Variants in PLK5 observed in about 807,000 individuals in gnomAD.
The protein encoded by PLK5 is polo like kinase 5 (inactive), also known as inactive serine/threonine-protein kinase PLK5.
Under a neutral mutation model 33.7 loss-of-function variants are expected in PLK5, and 28 were observed. The ratio of observed to expected loss-of-function variants is 0.83; its 90% CI spans 0.62 to 1.14. The LOEUF (loss-of-function observed/expected upper bound fraction) is 1.14. Ranked by LOEUF, PLK5 falls within the 50% of genes most tolerant of loss-of-function variation. PLK5 has a pLI of 0.00. For missense variants in PLK5, 492 were observed against 461.5 expected (o/e 1.07, Z -0.61); for synonymous variants, 225 against 202.2 (o/e 1.11, Z -0.96).
At chr19:1,529,056 G>T in intron 9 of PLK5, 82 bp downstream of exon 9, 1 of 1,274,766 alleles carries the variant, frequency 7.8e-7, no homozygotes, top group Non-Finnish European at 1.0e-6. Flanking sequence ...CCCCATGCCG[G>T]CTTCTCTGAA....
chr19:1,535,128 A>T lies in PLK5; in HGVS notation c.889A>T (p.Thr297Ser). The stretch of plus-strand genomic sequence containing the variant: ...TGGCGAGGGTGAGGGTTTGCAGCTC[A>T]CCCTCTGGGAGCAGGGGTCCCCTGG... ...LSGEGEGLQL[T>S]LWEQGSPGTS... The change falls in exon 14 of 14, where the codon ACC becomes TCC. Residue 297 changes from threonine (T) to serine (S), a missense_variant. Coordinates refer to ENST00000454744, the MANE Select transcript of PLK5 (RefSeq NM_001243079.2). 2 of 1,535,520 alleles carry T rather than the reference A, an allele frequency of 1.3e-6. No homozygotes were observed. Among genetic ancestry groups the T allele is most frequent in the Non-Finnish European group, 1.7e-6 (2 of 1,146,600 alleles).
chr19:1,533,400 T>C (rs1472749874), intron 12 of PLK5, among the ~76,000 whole-genome samples: 1 of 152,104 alleles, frequency 6.6e-6, no homozygotes, highest in Non-Finnish European at 1.5e-5. Flanking sequence ...CTTAACACAA[T>C]CTTTCTAGCG....
chr19:1,535,243 GTATC>G lies in PLK5; in HGVS notation c.1007_1010del (p.Ile336SerfsTer63), dbSNP rs1914064366. The G allele has an allele frequency of 6.5e-7, 1 of 1,535,528 alleles. No homozygotes were observed. Among genetic ancestry groups the G allele is most frequent in the Non-Finnish European group, 8.7e-7 (1 of 1,146,614 alleles). ...CACCACGCCCTCCGCATGCTGCAGA[GTATC>G]TAGTGCCCCTGAGGGTCAGAGTGGA... On this transcript the variant is annotated frameshift_variant, in exon 14 of 14. Coordinates refer to ENST00000454744, the MANE Select transcript of PLK5 (RefSeq NM_001243079.2). LOFTEE classifies it high-confidence loss of function.
At chr19:1,525,272 C>T (rs1409302670) in intron 1 of PLK5, 33 bp from the exon 2 acceptor site, 1 of 152,888 alleles carries the variant, frequency 6.5e-6, no homozygotes, top group Non-Finnish European at 1.5e-5. Context: ...CCCGTGCACA[C>T]CTGCCCACTG....
rs893012997 is a variant in PLK5 at position 1,526,763 on chromosome 19, A to C, written c.-123A>C. ...GATTGGAGACCTGGGACTGGCGGCCAAGGTGGGGCCAGGGGGCCGCTGCCA... is the reference window on the plus strand; with the variant it reads ...GATTGGAGACCTGGGACTGGCGGCCCAGGTGGGGCCAGGGGGCCGCTGCCA... On this transcript the variant is annotated 5_prime_UTR_variant, in exon 5 of 14. Transcript: ENST00000454744. 20 of 574,050 alleles carry C rather than the reference A, an allele frequency of 3.5e-5. No homozygotes were observed. The highest frequency in any genetic ancestry group is 6.2e-5 in the Non-Finnish European group (20 of 323,024). The allele number at this position is 574,050 out of a possible 1,614,324, so 35.6% of individuals were successfully genotyped here.
chr19:1,532,587 A>G (rs1913964327), intron 12 of PLK5, among the ~76,000 whole-genome samples: 1 of 148,812 alleles, frequency 6.7e-6, no homozygotes, highest in Non-Finnish European at 1.5e-5. Context: ...CAGTGGCGCA[A>G]TCTCGGCTCA....
intron 11 of PLK5, among the ~76,000 whole-genome samples, chr19:1,530,603 CATTTTTTTTTTTTTTT>C (rs1913898992): frequency 1.0e-5 from 1 of 100,198 alleles, no homozygotes; most frequent in Non-Finnish European, 2.0e-5. Context: ...CGCCTGGGCG[CATTTTTTTTTTTTTTT>C]TTTTTTTTTT....
intron 6 of PLK5, 72 bp downstream of exon 6, chr19:1,527,070 G>C: frequency 7.1e-7 from 1 of 1,403,558 alleles, no homozygotes; most frequent in South Asian, 1.3e-5. Context: ...GAGCCTGCAC[G>C]GAACAGGTGG....
chr19:1,531,100 C>CAGACAA (rs1458042466), intron 11 of PLK5, among the ~76,000 whole-genome samples: 21 of 149,418 alleles, frequency 1.4e-4, no homozygotes, highest in Admixed American at 1.4e-3. Flanking sequence ...GAAAAGCCAA[C>CAGACAA]AGACAAACAA....
In PLK5 at chr19:1,531,842, C is replaced by T. The variant is rs1353185384; in HGVS notation, c.673C>T (p.Arg225Cys). ...TGGCTACCAGCTCTTGGACGGGGGG[C>T]GCACGGGACGGCACCCACATGGCCC... ...GFGYQLLDGG[R>C]TGRHPHGPAT... The change falls in exon 12 of 14, where the codon CGC (arginine) becomes TGC (cysteine). Residue 225 changes from arginine to cysteine, a missense_variant. Physicochemically the swap from Arg to Cys is radical, Grantham distance 180 (BLOSUM62 -3). Coordinates refer to ENST00000454744, the MANE Select transcript of PLK5 (RefSeq NM_001243079.2). 6.5e-6 allele frequency: 10 copies of T among 1,528,748 alleles called. No individual in the cohort carries two copies. Among genetic ancestry groups the T allele is most frequent in the East Asian group, 2.5e-5 (1 of 40,600 alleles). 94.7% of individuals were successfully genotyped at this position (1,528,748 alleles called of 1,614,324 possible). A position where few individuals can be genotyped will look rare whatever the true frequency, so the allele number is the denominator to read the frequency against.
intron 11 of PLK5, among the ~76,000 whole-genome samples, chr19:1,530,446 T>C (rs529226213): frequency 4.0e-5 from 6 of 151,862 alleles, no homozygotes; most frequent in Non-Finnish European, 7.4e-5. Context: ...TACAGGCGTG[T>C]GCCACCACAC....
At chr19:1,527,902 G>A in intron 6 of PLK5, 34 bp from the exon 7 acceptor site, 2 of 1,520,482 alleles carry the variant, frequency 1.3e-6, no homozygotes, top group South Asian at 2.4e-5. Context: ...AGCGATGCCT[G>A]GACACCCAGG....
rs1351908496 is a variant in PLK5, at chr19:1,524,553, C to G, written c.-544+307C>G. Among the ~76,000 whole-genome samples, 1 of 151,710 alleles carries G rather than the reference C, an allele frequency of 6.6e-6. No individual in the cohort carries two copies. Among genetic ancestry groups the G allele is most frequent in the East Asian group, 1.9e-4 (1 of 5,168 alleles). ...GAGCCTGGCGAGGGTCTGAGTGTGC[C>G]GCGTCTGTGCCCGCTGCTTCCAAGT... On this transcript the variant is annotated intron_variant, in intron 1 of 13. Coordinates refer to ENST00000454744, the MANE Select transcript of PLK5 (RefSeq NM_001243079.2). This position sits in a 1 kb window ranked among gnomAD's most constrained non-coding sequence, Gnocchi z 4.5.
At position 1,533,824 on chromosome 19, in the gene PLK5, C is replaced by A. The variant is rs570751473; in HGVS notation, c.715-107C>A. 6.9e-6 allele frequency: 6 copies of A among 864,088 alleles called. No individual in the cohort carries two copies. The South Asian group carries it at 7.8e-5, about 11-fold the overall frequency. The allele number at this position is 864,088 out of a possible 1,614,324, so 53.5% of individuals were successfully genotyped here. ...TGGCCGTGCTGCAGCTCTTTGCCGG[C>A]TGCCTGCGGCGGCGGCTGCGGGAGG... On this transcript the variant is annotated intron_variant, in intron 12 of 13. Coordinates refer to ENST00000454744, the MANE Select transcript of PLK5 (RefSeq NM_001243079.2).
chr19:1,534,367 C>T (rs1423273046), intron 13 of PLK5, among the ~76,000 whole-genome samples: 6 of 150,680 alleles, frequency 4.0e-5, no homozygotes, highest in African/African-American at 1.5e-4. Flanking sequence ...ATTAGCTGGG[C>T]GTGGTGGAGC....
chr19:1,524,512 C>T lies in PLK5; in HGVS notation c.-544+266C>T, dbSNP rs1913677717. On this transcript the variant is annotated intron_variant, in intron 1 of 13. Transcript: ENST00000454744. This position sits in a 1 kb window ranked among gnomAD's most constrained non-coding sequence, Gnocchi z 4.5. ...GCCTCGGGATGCGACGCTGTGTTGC[C>T]CCTGGGTGTGTGTGCGAGCCTGGCG... Among the ~76,000 whole-genome samples, 1 of 151,988 alleles carries T rather than the reference C, an allele frequency of 6.6e-6. No individual in the cohort carries two copies. Among genetic ancestry groups the T allele is most frequent in the African/African-American group, 2.4e-5 (1 of 41,370 alleles).
rs867195010 is a variant in PLK5 at position 1,524,619 on chromosome 19, G to C, written c.-544+373G>C. On this transcript the variant is annotated intron_variant, in intron 1 of 13. Coordinates refer to ENST00000454744, the MANE Select transcript of PLK5 (RefSeq NM_001243079.2). This position sits in a 1 kb window ranked among gnomAD's most constrained non-coding sequence, Gnocchi z 4.5. ...GGTGTTCGTGTGTGTGTGTGTGTGT[G>C]TGTGTGTGTGTGTCTGGGTGTTGTG... Among the ~76,000 whole-genome samples the C allele has an allele frequency of 3.2e-5, 3 of 94,354 alleles. No homozygotes were observed. Among genetic ancestry groups the C allele is most frequent in the South Asian group, 4.0e-4 (1 of 2,496 alleles). The allele number at this position is 94,354 out of a possible 152,430, so 61.9% of individuals were successfully genotyped here. A position where few individuals can be genotyped will look rare whatever the true frequency, so the allele number is the denominator to read the frequency against.
chr19:1,532,391 T>C (rs1748964776), intron 12 of PLK5, among the ~76,000 whole-genome samples: 1 of 151,980 alleles, frequency 6.6e-6, no homozygotes, highest in Non-Finnish European at 1.5e-5. Flanking sequence ...AATTAAAAAT[T>C]AGCTGGGCGT....
chr19:1,528,271 G>A (rs151198602), intron 7 of PLK5, 31 bp from the exon 8 acceptor site: 84 of 1,535,896 alleles, frequency 5.5e-5, no homozygotes, highest in Non-Finnish European at 6.8e-5. Context: ...GGTGACCTAA[G>A]CCGGGGATAA....
Sources: allele counts gnomAD v4.1 joint callset (sites outside exome capture counted in the v4.1 genomes callset), GRCh38; gene constraint gnomAD v4.1.1; non-coding constraint Gnocchi (gnomAD v3.1); transcripts MANE v1.5; gene names NCBI Gene and HGNC (gene_info 2026-07-23, HGNC 2026-07-21).